Variants in SNAP47 observed in about 807,000 individuals in gnomAD.
The protein encoded by SNAP47 is synaptosome associated protein 47.
A neutral mutation model predicts 31.4 loss-of-function variants in SNAP47; 20 were observed. That is an observed-to-expected ratio of 0.64 (90% CI 0.45 to 0.93). SNAP47 has a LOEUF of 0.93. Among genes scored for constraint, SNAP47 ranks in the 40% least tolerant of loss-of-function variants. The pLI is 0.00. For synonymous variants in SNAP47, 194 were observed against 213.4 expected (o/e 0.91, Z 0.79); for missense variants, 492 against 528.5 (o/e 0.93, Z 0.68).
intron 1 of SNAP47, chr1:227,735,879 AGGGGAT>A: frequency 3.3e-6 from 1 of 302,750 alleles, no homozygotes; most frequent in Non-Finnish European, 4.7e-6. Flanking sequence ...TGGGACCTGG[AGGGGAT>A]GGGGACAGTG....
At chr1:227,730,487 G>A (rs1457335079), upstream of SNAP47, 1 of 151,750 alleles carries the variant, frequency 6.6e-6, no homozygotes, top group Non-Finnish European at 1.5e-5. Flanking sequence ...ATTGACTATG[G>A]AGTCATCGAT....
intron 2 of SNAP47, among the ~76,000 whole-genome samples, chr1:227,755,307 G>A (rs777833487): frequency 2.6e-5 from 4 of 152,118 alleles, no homozygotes; most frequent in Non-Finnish European, 5.9e-5. Context: ...GGGCTTAAGT[G>A]ATCCTCCCAC....
Position 227,759,454 on chromosome 1 carries a change from C to T in SNAP47, c.957C>T (p.Pro319=), listed in dbSNP as rs2281707. ...LVLRSARTSS[P]AEKSCSVWHA... is the part of the protein sequence containing the mutation. ...TCAGAAGCGCAAGAACCTCTTCCCC[C>T]GCAGAGAAGAGCTGCTCAGTCTGGC... The change falls in exon 3 of 5, where the codon CCC becomes CCT. Residue 319 remains proline, a synonymous_variant. Coordinates refer to ENST00000617596, the MANE Select transcript of SNAP47 (RefSeq NM_053052.4). 2.1e-3 allele frequency: 3,460 copies of T among 1,614,136 alleles called. 66 individuals carry two copies. The East Asian group carries it at 0.051, about 24-fold the overall frequency.
intron 1 of SNAP47, 74 bp from the exon 2 acceptor site, chr1:227,747,618 C>T (rs1662051099): frequency 1.4e-6 from 2 of 1,460,788 alleles, no homozygotes; most frequent in Non-Finnish European, 1.9e-6. Context: ...GCAGGGGAGG[C>T]AGCATCCTTG....
chr1:227,773,769 G>T (rs1047424053), intron 4 of SNAP47, among the ~76,000 whole-genome samples: 2 of 152,204 alleles, frequency 1.3e-5, no homozygotes, highest in African/African-American at 4.8e-5. Context: ...GCTTGGGGGG[G>T]TGTGCCCCGC....
At chr1:227,733,513 G>C, upstream of SNAP47, 1 of 1,600,842 alleles carries the variant, frequency 6.2e-7, no homozygotes. Context: ...GGTTCCGTGG[G>C]TGCAGGTGTG....
At chr1:227,755,277 C>G (rs1031471552) in intron 2 of SNAP47, among the ~76,000 whole-genome samples, 1 of 152,216 alleles carries the variant, frequency 6.6e-6, no homozygotes. Context: ...GATCACAGCT[C>G]ATTCCAGCCT....
intron 1 of SNAP47, among the ~76,000 whole-genome samples, chr1:227,737,399 C>G (rs1661292387): frequency 6.6e-6 from 1 of 152,194 alleles, no homozygotes; most frequent in African/African-American, 2.4e-5. Flanking sequence ...GGTTTGCACA[C>G]AGTGCGAGGC....
chr1:227,772,780 A>T (rs996045014), intron 4 of SNAP47, among the ~76,000 whole-genome samples: 4 of 152,194 alleles, frequency 2.6e-5, no homozygotes, highest in African/African-American at 9.7e-5. Context: ...CTGTGTGTCC[A>T]GATCGAGTTT....
chr1:227,734,988 C>A, upstream of SNAP47: 1 of 1,511,304 alleles, frequency 6.6e-7, no homozygotes, highest in South Asian at 1.3e-5. Flanking sequence ...CCTCCCCGCC[C>A]GGGGTCTGCG....
upstream of SNAP47, among the ~76,000 whole-genome samples, chr1:227,730,151 A>G (rs1409028013): frequency 6.6e-6 from 1 of 152,128 alleles, no homozygotes; most frequent in Non-Finnish European, 1.5e-5. Flanking sequence ...TGACACGCAA[A>G]GGGCAGGGGC....
At chr1:227,765,010 A>G (rs1186642173) in intron 3 of SNAP47, among the ~76,000 whole-genome samples, 1 of 152,198 alleles carries the variant, frequency 6.6e-6, no homozygotes, top group Admixed American at 6.5e-5. Flanking sequence ...GGAGTTTGAG[A>G]CCAACCTAGG....
chr1:227,776,456 T>G (rs1201999017), intron 4 of SNAP47: 1 of 985,876 alleles, frequency 1.0e-6, no homozygotes, highest in African/African-American at 1.7e-5. Flanking sequence ...GAAGTCTGAT[T>G]TGCGCCTCGC....
chr1:227,776,117 C>T, intron 4 of SNAP47: 1 of 1,165,760 alleles, frequency 8.6e-7, no homozygotes, highest in African/African-American at 1.6e-5. Flanking sequence ...GGGCTGCTCC[C>T]CTTCCTGGCT....
chr1:227,773,701 G>A (rs1373343535), intron 4 of SNAP47, among the ~76,000 whole-genome samples: 2 of 152,220 alleles, frequency 1.3e-5, no homozygotes, highest in Non-Finnish European at 2.9e-5. Context: ...CAGGTAGTTA[G>A]CGTGGTGCTC....
intron 2 of SNAP47, among the ~76,000 whole-genome samples, chr1:227,752,965 G>C (rs1662470828): frequency 6.6e-6 from 1 of 152,232 alleles, no homozygotes; most frequent in South Asian, 2.1e-4. Context: ...TTGAGTCCCA[G>C]AGTGAGTTGT....
chr1:227,729,059 T>C (rs530646691), intron 1 of SNAP47, among the ~76,000 whole-genome samples: 1 of 152,312 alleles, frequency 6.6e-6, no homozygotes, highest in South Asian at 2.1e-4. Context: ...GGGGTCTATC[T>C]GGGGTGTGCG....
At chr1:227,778,122 A>T (rs758171955) in intron 4 of SNAP47, among the ~76,000 whole-genome samples, 1 of 152,258 alleles carries the variant, frequency 6.6e-6, no homozygotes, top group Non-Finnish European at 1.5e-5. Context: ...CGGGGGAAAA[A>T]GCCAGATAGG....
chr1:227,733,110 C>T (rs933355731), upstream of SNAP47: 3 of 1,471,918 alleles, frequency 2.0e-6, no homozygotes, highest in Non-Finnish European at 2.8e-6. Flanking sequence ...CAGGAACCCA[C>T]TGTGGGGTCC....
Sources: allele counts gnomAD v4.1 joint callset (sites outside exome capture counted in the v4.1 genomes callset), GRCh38; gene constraint gnomAD v4.1.1; transcripts MANE v1.5; gene names NCBI Gene and HGNC (gene_info 2026-07-23, HGNC 2026-07-21).